DDX1: variants seen among roughly 807,000 people sequenced by gnomAD.
DDX1 encodes the protein ATP-dependent RNA helicase DDX1.
Under a neutral mutation model 108.7 loss-of-function variants are expected in DDX1, and 28 were observed. The observed-to-expected ratio is 0.26, with a 90% CI of 0.19 to 0.35. The LOEUF is 0.35. Ranked by LOEUF, DDX1 falls within the 10% of genes least tolerant of loss-of-function variation. DDX1 has a pLI of 1.00. For missense variants in DDX1, 710 were observed against 884.5 expected, an observed-to-expected ratio of 0.80 and a Z score of 2.50; for synonymous variants, 295 against 288.9, an observed-to-expected ratio of 1.02 and a Z score of -0.21.
chr2:15,618,928 G>C (rs1473259144), intron 16 of DDX1, among the ~76,000 whole-genome samples: 1 of 152,250 alleles, frequency 6.6e-6, no homozygotes, highest in Non-Finnish European at 1.5e-5. Flanking sequence ...TTTGTTCTGT[G>C]ATCAGAGTGG....
chr2:15,615,407 C>G (rs920280892), intron 14 of DDX1, among the ~76,000 whole-genome samples: 3 of 152,180 alleles, frequency 2.0e-5, no homozygotes, highest in Non-Finnish European at 4.4e-5. Flanking sequence ...GAATACTGTA[C>G]TAAACTGATG....
chr2:15,604,577 C>T, intron 10 of DDX1, 68 bp downstream of exon 10: 4 of 1,036,994 alleles, frequency 3.9e-6, no homozygotes, highest in East Asian at 2.4e-5. Flanking sequence ...TTTTAAAAAT[C>T]CCCCCACCCT....
intron 13 of DDX1, among the ~76,000 whole-genome samples, chr2:15,612,930 A>T (rs1665802456): frequency 7.0e-6 from 1 of 143,162 alleles, no homozygotes; most frequent in Non-Finnish European, 1.5e-5. Context: ...TCAGGCTGGG[A>T]GGTTGCAGTG....
chr2:15,611,684 G>A (rs868235535), intron 13 of DDX1, among the ~76,000 whole-genome samples: 4 of 106,294 alleles, frequency 3.8e-5, no homozygotes, highest in South Asian at 3.4e-4. Flanking sequence ...CTGGCCGGGC[G>A]GGGGGCTGAC....
intron 13 of DDX1, among the ~76,000 whole-genome samples, chr2:15,610,710 C>G (rs1665736479): frequency 6.6e-6 from 1 of 152,058 alleles, no homozygotes; most frequent in African/African-American, 2.4e-5. Context: ...TTTAAAGAAC[C>G]TTGAATTATC....
Position 15,601,659 on chromosome 2 carries a change from G to A in DDX1, c.308-889G>A, listed in dbSNP as rs1341420401. On this transcript the variant is annotated intron_variant, in intron 6 of 25. Coordinates refer to ENST00000233084, the MANE Select transcript of DDX1 (RefSeq NM_004939.3). Reference sequence around the variant, plus strand: ...GAACCGTCATGTGTTCAGCTATCCTGGAAGCTCCTAGATAACTTTTTAAAA... The same window carrying A: ...GAACCGTCATGTGTTCAGCTATCCTAGAAGCTCCTAGATAACTTTTTAAAA... Among the ~76,000 whole-genome samples the A allele has an allele frequency of 2.0e-5, 3 of 152,124 alleles. No homozygotes were observed. The East Asian group carries it at 5.8e-4, about 29-fold the overall frequency.
At chr2:15,605,477 G>C (rs943080932) in intron 10 of DDX1, among the ~76,000 whole-genome samples, 8 of 152,170 alleles carry the variant, frequency 5.3e-5, no homozygotes, top group Admixed American at 2.0e-4. Context: ...TGCTGCATTT[G>C]ACAAGTGGAA....
chr2:15,603,599 G>A (rs1352133654), intron 8 of DDX1, among the ~76,000 whole-genome samples: 1 of 152,174 alleles, frequency 6.6e-6, no homozygotes. Flanking sequence ...AGTGGACAAA[G>A]CAGAGAGGGA....
chr2:15,618,712 TCATG>T (rs750074851), intron 16 of DDX1, among the ~76,000 whole-genome samples: 3 of 152,248 alleles, frequency 2.0e-5, no homozygotes, highest in Admixed American at 6.5e-5. Flanking sequence ...CTGCTGCTGT[TCATG>T]GTGCCCAGAC....
intron 13 of DDX1, among the ~76,000 whole-genome samples, chr2:15,610,251 CT>C (rs1665730509): frequency 6.6e-6 from 1 of 152,238 alleles, no homozygotes; most frequent in African/African-American, 2.4e-5. Flanking sequence ...TGATACTGTC[CT>C]TTGGAAGTCT....
intron 14 of DDX1, among the ~76,000 whole-genome samples, chr2:15,615,392 G>T (rs1665877232): frequency 6.6e-6 from 1 of 152,122 alleles, no homozygotes; most frequent in Non-Finnish European, 1.5e-5. Flanking sequence ...AAACTCACGT[G>T]GTTAGAATAC....
chr2:15,627,150 T>G lies in DDX1; in HGVS notation c.1686+5T>G. On this transcript the variant is annotated splice_donor_5th_base_variant and intron_variant, in intron 20 of 25. Transcript: ENST00000233084. ...CAAAACTTGGAAAGATTTAAGGTACTGATACATAGTTGATTGTTTCCTTAA... is the reference window on the plus strand; with the variant it reads ...CAAAACTTGGAAAGATTTAAGGTACGGATACATAGTTGATTGTTTCCTTAA... 7 of 1,532,704 alleles carry G rather than the reference T, an allele frequency of 4.6e-6. 1 individual carries two copies. In the South Asian group the frequency reaches 8.0e-5, roughly 18 times the overall value. 94.9% of individuals were successfully genotyped at this position (1,532,704 alleles called of 1,614,324 possible).
rs1401569159 is a variant in DDX1, at chr2:15,599,432, G to T, written c.260-237G>T. Among the ~76,000 whole-genome samples, 3 of 151,564 alleles carry T rather than the reference G, an allele frequency of 2.0e-5. No individual in the cohort carries two copies. The East Asian group carries it at 5.8e-4, about 29-fold the overall frequency. ...AGCGATTCTCCTGCCTCAGCCTCCC[G>T]AGTAGCTGGGATTACAGTCACACGC... On this transcript the variant is annotated intron_variant, in intron 5 of 25. Coordinates refer to ENST00000233084, the MANE Select transcript of DDX1 (RefSeq NM_004939.3).
At chr2:15,606,810 T>C (rs1228154381) in intron 12 of DDX1, among the ~76,000 whole-genome samples, 3 of 152,222 alleles carry the variant, frequency 2.0e-5, no homozygotes, top group Admixed American at 2.0e-4. Flanking sequence ...TTAGAATTAT[T>C]CCAAGTAGAT....
At chr2:15,614,425 G>A (rs1393817981) in intron 14 of DDX1, among the ~76,000 whole-genome samples, 1 of 152,152 alleles carries the variant, frequency 6.6e-6, no homozygotes, top group Non-Finnish European at 1.5e-5. Flanking sequence ...TCTAAGATGA[G>A]TAATATTGCT....
chr2:15,615,557 A>G (rs1264311457), intron 14 of DDX1, among the ~76,000 whole-genome samples: 1 of 152,200 alleles, frequency 6.6e-6, no homozygotes, highest in Non-Finnish European at 1.5e-5. Context: ...ACTTGCTGTA[A>G]TTATCAGTGC....
chr2:15,611,976 C>T (rs1303902809), intron 13 of DDX1, among the ~76,000 whole-genome samples: 1 of 134,888 alleles, frequency 7.4e-6, no homozygotes, highest in Non-Finnish European at 1.6e-5. Flanking sequence ...GACCCCACCA[C>T]CTCCCTCCCG....
At chr2:15,614,546 T>C (rs1395417242) in intron 14 of DDX1, among the ~76,000 whole-genome samples, 1 of 152,182 alleles carries the variant, frequency 6.6e-6, no homozygotes, top group Non-Finnish European at 1.5e-5. Flanking sequence ...AACAGATGAT[T>C]AGATCGCGAG....
At position 15,618,313 on chromosome 2, in the gene DDX1, T is replaced by C. The variant is rs183876397; in HGVS notation, c.1206+43T>C. 5.8e-6 allele frequency: 6 copies of C among 1,028,366 alleles called. No individual in the cohort carries two copies. In the African/African-American group the frequency reaches 7.8e-5, roughly 13 times the overall value. The allele number at this position is 1,028,366 out of a possible 1,614,324, so 63.7% of individuals were successfully genotyped here. A position where few individuals can be genotyped will look rare whatever the true frequency, so the allele number is the denominator to read the frequency against. The stretch of plus-strand genomic sequence containing the variant: ...GCATCTTAAAATGCATGTAAACAAT[T>C]GTTATGTATAATGTTACGGGATCCC... On this transcript the variant is annotated intron_variant, in intron 16 of 25. Coordinates refer to ENST00000233084, the MANE Select transcript of DDX1 (RefSeq NM_004939.3).
Sources: gnomAD v4.1 joint callset for allele counts (sites outside exome capture counted in the v4.1 genomes callset) on GRCh38, gnomAD v4.1.1 for gene constraint, MANE v1.5 for transcripts, NCBI Gene and HGNC (gene_info 2026-07-23, HGNC 2026-07-21) for gene names.